XIRP2: variants seen among roughly 807,000 people sequenced by gnomAD.
XIRP2 encodes the protein xin actin-binding repeat-containing protein 2.
XIRP2 carries 236 observed loss-of-function variants against 277.0 expected under a neutral mutation model. That is an observed-to-expected ratio of 0.85 (90% CI 0.77 to 0.95). The LOEUF (loss-of-function observed/expected upper bound fraction) is 0.95. XIRP2 is among the 40% of genes least tolerant of loss of function. XIRP2 has a pLI of 0.00. For missense variants in XIRP2, 4,640 were observed against 4,157.5 expected (o/e 1.12, Z -3.19); for synonymous variants, 1,490 against 1,416.5 (o/e 1.05, Z -1.17).
intron 3 of XIRP2, among the ~76,000 whole-genome samples, chr2:167,147,007 TC>T (rs1267890487): frequency 6.6e-6 from 1 of 152,148 alleles, no homozygotes; most frequent in African/African-American, 2.4e-5. Flanking sequence ...CAATTTTATA[TC>T]CAACTAAATT....
At chr2:167,088,576 G>A (rs573953371) in intron 2 of XIRP2, among the ~76,000 whole-genome samples, 1 of 152,204 alleles carries the variant, frequency 6.6e-6, no homozygotes, top group African/African-American at 2.4e-5. Context: ...ATATCTTCTA[G>A]GATAAAGTTC....
At chr2:167,016,710 G>C (rs1687834988) in intron 2 of XIRP2, among the ~76,000 whole-genome samples, 1 of 151,970 alleles carries the variant, frequency 6.6e-6, no homozygotes, top group African/African-American at 2.4e-5. Flanking sequence ...AGAAGCAGGA[G>C]CTGTAGCAGG....
intron 2 of XIRP2, among the ~76,000 whole-genome samples, chr2:166,919,048 A>G (rs1684963750): frequency 6.6e-6 from 1 of 152,130 alleles, no homozygotes; most frequent in Non-Finnish European, 1.5e-5. Flanking sequence ...AGGTGGCTGT[A>G]AACAACAGGT....
intron 4 of XIRP2, among the ~76,000 whole-genome samples, chr2:167,214,223 AGGG>A (rs1223643266): frequency 2.3e-5 from 2 of 87,124 alleles, no homozygotes; most frequent in African/African-American, 1.4e-4. Flanking sequence ...GGAGGGAGGG[AGGG>A]AGGAAGGAAG....
At position 167,246,049 on chromosome 2, in the gene XIRP2, A is replaced by T. The variant is rs368493402; in HGVS notation, c.4657A>T (p.Lys1553Ter). 2.5e-6 allele frequency: 4 copies of T among 1,613,594 alleles called. No individual in the cohort carries two copies. The highest frequency in any genetic ancestry group is 3.4e-6 in the Non-Finnish European group (4 of 1,179,764). The change falls in exon 9 of 11, where the codon AAA (lysine) becomes TAA (stop). Residue 1553 changes from lysine (K) to a stop codon, truncating the protein, a stop_gained. Transcript: ENST00000409195. LOFTEE classifies it high-confidence loss of function. Reference sequence around the variant, plus strand: ...GATAGAAATTATTGGCAAGAGCATTAAAGAAACCTTAGAAGATCTCTACTC... The same window carrying T: ...GATAGAAATTATTGGCAAGAGCATTTAAGAAACCTTAGAAGATCTCTACTC... ...EKIEIIGKSIKETLEDLYSQK... is the reference protein window; with the variant it reads ...EKIEIIGKSI
chr2:167,004,077 A>G (rs1687442723), intron 2 of XIRP2, among the ~76,000 whole-genome samples: 1 of 151,918 alleles, frequency 6.6e-6, no homozygotes, highest in African/African-American at 2.4e-5. Flanking sequence ...ATTATATAAG[A>G]AAGAGAAAGA....
At chr2:166,986,881 T>C (rs930692433) in intron 2 of XIRP2, among the ~76,000 whole-genome samples, 7 of 152,232 alleles carry the variant, frequency 4.6e-5, no homozygotes, top group African/African-American at 1.7e-4. Flanking sequence ...GAGGAAGAAG[T>C]AGAATTGTCT....
At chr2:166,954,925 G>C (rs1301493297) in intron 2 of XIRP2, among the ~76,000 whole-genome samples, 2 of 151,840 alleles carry the variant, frequency 1.3e-5, no homozygotes, top group African/African-American at 4.8e-5. Context: ...AGGAGGGTAG[G>C]GAGGGGAGAG....
chr2:167,069,396 C>T (rs1363006656), intron 2 of XIRP2, among the ~76,000 whole-genome samples: 2 of 152,166 alleles, frequency 1.3e-5, no homozygotes, highest in East Asian at 3.9e-4. Flanking sequence ...CTATAAGGCT[C>T]TAGCTCTGCT....
At chr2:167,044,416 T>C (rs1209361763) in intron 2 of XIRP2, among the ~76,000 whole-genome samples, 1 of 151,972 alleles carries the variant, frequency 6.6e-6, no homozygotes, top group East Asian at 1.9e-4. Context: ...TTGGCAGTCC[T>C]CACTAGAGCA....
Position 167,243,360 on chromosome 2 carries a change from G to A in XIRP2, c.1968G>A (p.Trp656Ter), listed in dbSNP as rs1189984667. The A allele has an allele frequency of 1.2e-6, 2 of 1,613,972 alleles. No individual in the cohort carries two copies. Among genetic ancestry groups the A allele is most frequent in the African/African-American group, 2.7e-5 (2 of 74,920 alleles). ...GAGGAGATGTCTGCACAGCTCGGTG[G>A]ATGTTTGAAACAAGGCCATTGGACT... ...LARGDVCTARWMFETRPLDSM... is the reference protein window; with the variant it reads ...LARGDVCTAR Residue 656 changes from tryptophan to a stop codon, truncating the protein, a stop_gained, in exon 9 of 11, where the codon TGG becomes TGA. Transcript: ENST00000409195. LOFTEE classifies it high-confidence loss of function.
At chr2:167,183,715 TTAAG>T (rs1693081638) in intron 3 of XIRP2, among the ~76,000 whole-genome samples, 1 of 152,184 alleles carries the variant, frequency 6.6e-6, no homozygotes, top group South Asian at 2.1e-4. Flanking sequence ...ATCTGCTAAT[TTAAG>T]TATCTACAAC....
Position 167,259,409 on chromosome 2 carries a change from T to C in XIRP2, c.*1592T>C, listed in dbSNP as rs753859621. ...GTCCACACTTAGGCACTGAGAGATATTGATGTTCTGAAATAAGATTTTATG... is the reference window on the plus strand; with the variant it reads ...GTCCACACTTAGGCACTGAGAGATACTGATGTTCTGAAATAAGATTTTATG... On this transcript the variant is annotated 3_prime_UTR_variant, in exon 11 of 11. Transcript: ENST00000409195. The C allele has an allele frequency of 4.0e-6, 6 of 1,509,232 alleles. No homozygotes were observed. Among genetic ancestry groups the C allele is most frequent in the African/African-American group, 1.4e-5 (1 of 71,060 alleles). The allele number at this position is 1,509,232 out of a possible 1,614,324, so 93.5% of individuals were successfully genotyped here. A position where few individuals can be genotyped will look rare whatever the true frequency, so the allele number is the denominator to read the frequency against.
intron 5 of XIRP2, among the ~76,000 whole-genome samples, chr2:167,222,365 G>A (rs554015973): frequency 6.6e-6 from 1 of 152,248 alleles, no homozygotes; most frequent in Non-Finnish European, 1.5e-5. Context: ...GTTAGGTGGT[G>A]GGAAGGGTTG....
intron 3 of XIRP2, among the ~76,000 whole-genome samples, chr2:167,187,900 T>C (rs1219971866): frequency 6.6e-6 from 1 of 152,176 alleles, no homozygotes; most frequent in Non-Finnish European, 1.5e-5. Flanking sequence ...AACTATAAAT[T>C]GTATTTCTTG....
chr2:166,907,312 C>T (rs185484871), intron 2 of XIRP2, among the ~76,000 whole-genome samples: 1 of 152,182 alleles, frequency 6.6e-6, no homozygotes, highest in East Asian at 1.9e-4. Flanking sequence ...GAGAATGTCA[C>T]ATCCATTTGT....
intron 5 of XIRP2, among the ~76,000 whole-genome samples, chr2:167,233,384 C>G (rs543813475): frequency 5.9e-4 from 90 of 151,996 alleles, no homozygotes; most frequent in African/African-American, 2.1e-3. Flanking sequence ...ATAGGTATGT[C>G]TTTAACACAG....
At chr2:166,955,664 T>C (rs1686142736) in intron 2 of XIRP2, among the ~76,000 whole-genome samples, 2 of 151,882 alleles carry the variant, frequency 1.3e-5, no homozygotes, top group South Asian at 4.1e-4. Flanking sequence ...ACTTATGATA[T>C]AGAGTAATCA....
chr2:167,009,367 A>G (rs1224451944), intron 2 of XIRP2, among the ~76,000 whole-genome samples: 1 of 151,496 alleles, frequency 6.6e-6, no homozygotes, highest in African/African-American at 2.4e-5. Flanking sequence ...TTCCAATTTC[A>G]TCCATGTCCC....
Sources: gnomAD v4.1 joint callset for allele counts (sites outside exome capture counted in the v4.1 genomes callset) on GRCh38, gnomAD v4.1.1 for gene constraint, MANE v1.5 for transcripts, NCBI Gene and HGNC (gene_info 2026-07-23, HGNC 2026-07-21) for gene names.